The following C1orf185 variants were observed in gnomAD, a reference collection of about 807,000 sequenced individuals.
The protein encoded by C1orf185 is chromosome 1 open reading frame 185.
In C1orf185, 13 loss-of-function variants were observed where a neutral mutation model predicts 16.1. That is an observed-to-expected ratio of 0.81 (90% confidence interval 0.53 to 1.28). The LOEUF (loss-of-function observed/expected upper bound fraction) is 1.28, where lower values mean the gene tolerates loss of function less well. Ranked by LOEUF, C1orf185 falls within the 50% of genes most tolerant of loss-of-function variation. C1orf185 has a pLI of 0.00. For synonymous variants in C1orf185, 80 were observed against 76.9 expected, an observed-to-expected ratio of 1.04 and a Z score of -0.21; for missense variants, 220 against 225.2, an observed-to-expected ratio of 0.98 and a Z score of 0.15.
At chr1:51,133,828 A>C (rs1257539626) in intron 3 of C1orf185, among the ~76,000 whole-genome samples, 1 of 152,378 alleles carries the variant, frequency 6.6e-6, no homozygotes, top group South Asian at 2.1e-4. Flanking sequence ...GGCTGGGCAC[A>C]GTTGCTCATG....
At chr1:51,140,006 A>G (rs1381321967) in intron 3 of C1orf185, among the ~76,000 whole-genome samples, 1 of 152,162 alleles carries the variant, frequency 6.6e-6, no homozygotes, top group Non-Finnish European at 1.5e-5. Context: ...TTCTGCTCAT[A>G]TTTTATTGGC....
intron 1 of C1orf185, among the ~76,000 whole-genome samples, chr1:51,108,330 T>C (rs1646088760): frequency 6.6e-6 from 1 of 152,178 alleles, no homozygotes; most frequent in Admixed American, 6.6e-5. Flanking sequence ...TGCACATTTA[T>C]GGGGTACAGT....
chr1:51,110,367 A>G (rs570879521), intron 1 of C1orf185, among the ~76,000 whole-genome samples: 47 of 152,306 alleles, frequency 3.1e-4, no homozygotes, highest in Admixed American at 1.1e-3. Context: ...TGGAGTTTTT[A>G]TATTAAAAGT....
At chr1:51,110,811 A>T (rs1425271184) in intron 1 of C1orf185, among the ~76,000 whole-genome samples, 1 of 152,102 alleles carries the variant, frequency 6.6e-6, no homozygotes, top group African/African-American at 2.4e-5. Flanking sequence ...TCTACTAAAA[A>T]TACAAAAATT....
chr1:51,135,127 G>A (rs545861894), intron 3 of C1orf185, among the ~76,000 whole-genome samples: 28 of 152,296 alleles, frequency 1.8e-4, no homozygotes, highest in Non-Finnish European at 3.7e-4. Flanking sequence ...AAATCCAGCA[G>A]CACATGAGAA....
intron 2 of C1orf185, among the ~76,000 whole-genome samples, chr1:51,112,816 C>CTTTTT (rs202031236): frequency 4.2e-5 from 6 of 142,808 alleles, no homozygotes; most frequent in Non-Finnish European, 3.1e-5. Flanking sequence ...ACTTTCTTTT[C>CTTTTT]TTTTTTTTTT....
intron 3 of C1orf185, among the ~76,000 whole-genome samples, chr1:51,139,264 G>A (rs1208639788): frequency 4.6e-5 from 7 of 151,444 alleles, no homozygotes; most frequent in South Asian, 2.1e-4. Context: ...CACCACACCC[G>A]GCTAATTTTT....
chr1:51,104,398 A>G (rs1262582151), intron 1 of C1orf185, among the ~76,000 whole-genome samples: 22 of 152,226 alleles, frequency 1.4e-4, no homozygotes, highest in Admixed American at 1.4e-3. Flanking sequence ...ATATAAATAT[A>G]TAACACATAA....
chr1:51,145,653 A>G, intron 3 of C1orf185, 71 bp from the exon 4 acceptor site: 1 of 874,110 alleles, frequency 1.1e-6, no homozygotes, highest in Non-Finnish European at 1.7e-6. Context: ...TTACTCTCAT[A>G]TAAAATATAT....
intron 3 of C1orf185, among the ~76,000 whole-genome samples, chr1:51,133,035 C>A (rs186913757): frequency 6.6e-6 from 1 of 152,200 alleles, no homozygotes; most frequent in African/African-American, 2.4e-5. Context: ...ACCACCAGAT[C>A]TGCCTTACAA....
At chr1:51,108,312 C>T (rs908325501) in intron 1 of C1orf185, among the ~76,000 whole-genome samples, 12 of 151,550 alleles carry the variant, frequency 7.9e-5, no homozygotes, top group African/African-American at 2.2e-4. Context: ...TTTTAATTGA[C>T]GTAATTGTGC....
intron 3 of C1orf185, among the ~76,000 whole-genome samples, chr1:51,119,517 C>T (rs1646182615): frequency 6.6e-6 from 1 of 152,216 alleles, no homozygotes; most frequent in African/African-American, 2.4e-5. Flanking sequence ...GCTGGCTGGC[C>T]ATGGCAGCTC....
intron 2 of C1orf185, among the ~76,000 whole-genome samples, chr1:51,115,949 A>G (rs1387102506): frequency 6.6e-6 from 1 of 152,182 alleles, no homozygotes; most frequent in Admixed American, 6.5e-5. Context: ...CCGTAAGCAG[A>G]TACGTAGTTT....
downstream of C1orf185, among the ~76,000 whole-genome samples, chr1:51,150,563 G>C (rs1646425683): frequency 6.6e-6 from 1 of 152,102 alleles, no homozygotes; most frequent in Admixed American, 6.6e-5. Flanking sequence ...CATATCATAG[G>C]TATATACACT....
At chr1:51,144,214 T>C (rs113029210) in intron 3 of C1orf185, among the ~76,000 whole-genome samples, 7 of 152,302 alleles carry the variant, frequency 4.6e-5, no homozygotes, top group African/African-American at 1.4e-4. Context: ...CAGACTCTTA[T>C]ACCCCATTCC....
At chr1:51,109,230 T>C (rs1290756957) in intron 1 of C1orf185, among the ~76,000 whole-genome samples, 1 of 152,214 alleles carries the variant, frequency 6.6e-6, no homozygotes, top group Admixed American at 6.5e-5. Context: ...TTGAGAAATG[T>C]CTATTCAGAT....
intron 3 of C1orf185, among the ~76,000 whole-genome samples, chr1:51,137,236 T>C (rs538819278): frequency 1.3e-5 from 2 of 151,972 alleles, no homozygotes; most frequent in Non-Finnish European, 2.9e-5. Flanking sequence ...AGAATGGCTG[T>C]TACTAAAAAA....
Position 51,147,796 on chromosome 1 carries a change from G to A in C1orf185, c.*25G>A. 14 of 1,443,676 alleles carry A rather than the reference G, an allele frequency of 9.7e-6. No individual in the cohort carries two copies. Among genetic ancestry groups the A allele is most frequent in the South Asian group, 7.2e-5 (5 of 69,324 alleles). The allele number at this position is 1,443,676 out of a possible 1,614,324, so 89.4% of individuals were successfully genotyped here. On this transcript the variant is annotated 3_prime_UTR_variant, in exon 5 of 5. Transcript: ENST00000371759. ...ACCATCAAAAAGATGACTACATTAA[G>A]GGAAAATGTTCATGAAGAAACACAG...
intron 3 of C1orf185, among the ~76,000 whole-genome samples, chr1:51,142,983 C>G (rs1016522859): frequency 1.3e-5 from 2 of 152,074 alleles, no homozygotes; most frequent in African/African-American, 4.8e-5. Flanking sequence ...AGGCTGTTCT[C>G]AAACTCCTGG....
Sources: allele counts gnomAD v4.1 joint callset (sites outside exome capture counted in the v4.1 genomes callset), GRCh38; gene constraint gnomAD v4.1.1; transcripts MANE v1.5; gene names NCBI Gene and HGNC (gene_info 2026-07-23, HGNC 2026-07-21).